The following NICN1 variants were observed in gnomAD, a reference collection of about 807,000 sequenced individuals.
The protein encoded by NICN1 is nicolin 1, tubulin polyglutamylase complex subunit.
A neutral mutation model predicts 26.3 loss-of-function variants in NICN1; 18 were observed. The ratio of observed to expected loss-of-function variants is 0.68; its 90% CI spans 0.47 to 1.01. NICN1 has a LOEUF of 1.01. NICN1 is among the 50% of genes least tolerant of loss of function. The pLI is 0.00. For missense variants in NICN1, 239 were observed against 278.3 expected (o/e 0.86, Z 1.00); for synonymous variants, 109 against 111.0 (o/e 0.98, Z 0.11).
chr3:49,424,157 G>C lies in NICN1; in HGVS notation c.*676C>G, dbSNP rs1477502397. 2 of 153,440 alleles carry C rather than the reference G, an allele frequency of 1.3e-5. No individual in the cohort carries two copies. Among genetic ancestry groups the C allele is most frequent in the African/African-American group, 4.8e-5 (2 of 41,438 alleles). 9.5% of individuals were successfully genotyped at this position (153,440 alleles called of 1,614,324 possible). Reference sequence around the variant, plus strand: ...TGAGCCACTGCACCCTGCCTAGAAGGGTCCCAGTTCTTATGCTCAGGCCCT... The same window carrying C: ...TGAGCCACTGCACCCTGCCTAGAAGCGTCCCAGTTCTTATGCTCAGGCCCT... On this transcript the variant is annotated 3_prime_UTR_variant, in exon 6 of 6. Coordinates refer to ENST00000273598, the MANE Select transcript of NICN1 (RefSeq NM_032316.3).
chr3:49,422,977 C>T lies in NICN1; in HGVS notation c.*1856G>A, dbSNP rs1251071559. The stretch of plus-strand genomic sequence containing the variant: ...CCACAAGTATTTATTGATCTTACTG[C>T]ATACCAGGCCCTCAGATGGGGACAC... On this transcript the variant is annotated 3_prime_UTR_variant, in exon 6 of 6. Transcript: ENST00000273598. 2 of 244,960 alleles carry T rather than the reference C, an allele frequency of 8.2e-6. No homozygotes were observed. The highest frequency in any genetic ancestry group is 4.5e-5 in the African/African-American group (2 of 44,502). The allele number at this position is 244,960 out of a possible 1,614,324, so 15.2% of individuals were successfully genotyped here. A position where few individuals can be genotyped will look rare whatever the true frequency, so the allele number is the denominator to read the frequency against.
chr3:49,422,790 T>G lies in NICN1; in HGVS notation c.*2043A>C, dbSNP rs1326124720. On this transcript the variant is annotated 3_prime_UTR_variant, in exon 6 of 6. Coordinates refer to ENST00000273598, the MANE Select transcript of NICN1 (RefSeq NM_032316.3). ...AAGTTCTGGAAAGGGCTGAAAGGTC[T>G]GAATCATACCTTTAGGACCTCAAGA... The G allele has an allele frequency of 2.3e-6, 1 of 432,170 alleles. No homozygotes were observed. The highest frequency in any genetic ancestry group is 3.5e-5 in the Admixed American group (1 of 28,828). The allele number at this position is 432,170 out of a possible 1,614,324, so 26.8% of individuals were successfully genotyped here.
intron 1 of NICN1, among the ~76,000 whole-genome samples, chr3:49,426,907 G>A (rs546487412): frequency 6.6e-6 from 1 of 152,240 alleles, no homozygotes; most frequent in Admixed American, 6.5e-5. Flanking sequence ...AACAAACCAC[G>A]ACTGCAGATC....
intron 3 of NICN1, 62 bp from the exon 4 acceptor site, chr3:49,425,500 C>T (rs756241465): frequency 1.4e-6 from 2 of 1,409,826 alleles, no homozygotes; most frequent in Non-Finnish European, 1.9e-6. Context: ...GACCAGATTC[C>T]AAGGTCCTAG....
In NICN1 at chr3:49,425,360, G is replaced by A; in HGVS notation, c.495+7C>T. 6.2e-7 allele frequency: 1 copy of A among 1,610,592 alleles called. No homozygotes were observed. Among genetic ancestry groups the A allele is most frequent in the Non-Finnish European group, 8.5e-7 (1 of 1,178,444 alleles). On this transcript the variant is annotated splice_region_variant and intron_variant, in intron 4 of 5. Transcript: ENST00000273598. ...ACACATGGTTCTTACCTAGGGTGAG[G>A]GCTTACCTCACGGAGGAGTGCAGGT...
chr3:49,426,784 C>A (rs1426663469), intron 1 of NICN1, among the ~76,000 whole-genome samples: 2 of 152,144 alleles, frequency 1.3e-5, no homozygotes, highest in Admixed American at 1.3e-4. Flanking sequence ...CCTGCCTCTT[C>A]CCCTTTCAAT....
chr3:49,427,305 AGAGC>A (rs2049181282), intron 1 of NICN1, among the ~76,000 whole-genome samples: 2 of 150,514 alleles, frequency 1.3e-5, no homozygotes, highest in African/African-American at 4.9e-5. Flanking sequence ...TGGGCGCGAC[AGAGC>A]AAGACACGGT....
intron 3 of NICN1, 50 bp from the exon 4 acceptor site, chr3:49,425,488 G>A (rs762388748): frequency 1.3e-5 from 20 of 1,482,102 alleles, no homozygotes; most frequent in Non-Finnish European, 1.7e-5. Flanking sequence ...GGACAGCTCT[G>A]GGACCAGATT....
rs2049139873 is a variant in NICN1, at chr3:49,423,216, C to G, written c.*1617G>C. 6.5e-6 allele frequency: 1 copy of G among 153,958 alleles called. No homozygotes were observed. The allele number at this position is 153,958 out of a possible 1,614,324, so 9.5% of individuals were successfully genotyped here. On this transcript the variant is annotated 3_prime_UTR_variant, in exon 6 of 6. Coordinates refer to ENST00000273598, the MANE Select transcript of NICN1 (RefSeq NM_032316.3). The stretch of plus-strand genomic sequence containing the variant: ...CTCCCCCGAGAAAACTGTTGAGCCA[C>G]ACACATGTCCAACTTTCCAGGTCCA...
In NICN1 at chr3:49,425,060, CAGA is replaced by C; in HGVS notation, c.496-10_496-8del. 6.2e-7 allele frequency: 1 copy of C among 1,610,758 alleles called. No individual in the cohort carries two copies. The highest frequency in any genetic ancestry group is 8.5e-7 in the Non-Finnish European group (1 of 1,177,086). The stretch of plus-strand genomic sequence containing the variant: ...TGCTGGGGTCTGGGAGACCCTGCTC[CAGA>C]AGGAGGGGTCAGTGGCCATGGGTCT... On this transcript the variant is annotated splice_polypyrimidine_tract_variant and splice_region_variant and intron_variant, in intron 4 of 5. Coordinates refer to ENST00000273598, the MANE Select transcript of NICN1 (RefSeq NM_032316.3).
rs1490316514 is a variant in NICN1, at chr3:49,429,104, T to C, written c.132+4A>G. ...CCTCGGTCGCGCCCACCAGGCTTGC[T>C]CACCTCGAAGGGAGCGACGCTGGGG... On this transcript the variant is annotated splice_donor_region_variant and intron_variant, in intron 1 of 5. Coordinates refer to ENST00000273598, the MANE Select transcript of NICN1 (RefSeq NM_032316.3). 5 of 1,601,436 alleles carry C rather than the reference T, an allele frequency of 3.1e-6. No homozygotes were observed. Among genetic ancestry groups the C allele is most frequent in the Non-Finnish European group, 4.3e-6 (5 of 1,174,070 alleles).
chr3:49,427,079 T>A (rs2049176551), intron 1 of NICN1, among the ~76,000 whole-genome samples: 1 of 151,896 alleles, frequency 6.6e-6, no homozygotes, highest in Non-Finnish European at 1.5e-5. Flanking sequence ...CCCAGCACTT[T>A]CGGAGGCCGA....
At chr3:49,426,090 G>A in intron 2 of NICN1, 94 bp from the exon 3 acceptor site, 1 of 1,118,934 alleles carries the variant, frequency 8.9e-7, no homozygotes, top group Non-Finnish European at 1.3e-6. Context: ...CACCCCACAG[G>A]CCTTGGGAAG....
In NICN1 at chr3:49,425,951, G is replaced by C; in HGVS notation, c.355C>G (p.Arg119Gly). The change falls in exon 3 of 6, where the codon CGG (arginine) becomes GGG (glycine). Residue 119 changes from arginine to glycine, a missense_variant. By Grantham distance (125) the Arg-to-Gly change is moderately radical (BLOSUM62 -2). Coordinates refer to ENST00000273598, the MANE Select transcript of NICN1 (RefSeq NM_032316.3). ...ARISELRLIL[R>G]QPSPLWLSFT... is the part of the protein sequence containing the mutation. ...GACAGCCACAGTGGTGATGGCTGCCGCAGAATCAGGCGTAGCTCCGATATT... is the reference window on the plus strand; with the variant it reads ...GACAGCCACAGTGGTGATGGCTGCCCCAGAATCAGGCGTAGCTCCGATATT... 1 of 1,611,852 alleles carries C rather than the reference G, an allele frequency of 6.2e-7. No homozygotes were observed. The highest frequency in any genetic ancestry group is 8.5e-7 in the Non-Finnish European group (1 of 1,178,160).
Position 49,423,281 on chromosome 3 carries a change from C to CTATT in NICN1, c.*1551_*1552insAATA, listed in dbSNP as rs1294759468. The CTATT allele has an allele frequency of 6.6e-6, 1 of 152,344 alleles. No homozygotes were observed. Among genetic ancestry groups the CTATT allele is most frequent in the East Asian group, 1.9e-4 (1 of 5,200 alleles). 9.4% of individuals were successfully genotyped at this position (152,344 alleles called of 1,614,324 possible). On this transcript the variant is annotated 3_prime_UTR_variant, in exon 6 of 6. Transcript: ENST00000273598. ...ACTGCTTTGTAATAGCCACCAGGTG[C>CTATT]AAAGCCAGGAAGAACCAGAGGGAAA...
chr3:49,429,021 C>T (rs2049197267), intron 1 of NICN1, 87 bp downstream of exon 1: 2 of 1,297,124 alleles, frequency 1.5e-6, no homozygotes, highest in African/African-American at 3.0e-5. Context: ...GAGGCTTTCC[C>T]ATAAAAGATT....
intron 1 of NICN1, among the ~76,000 whole-genome samples, chr3:49,427,486 C>G (rs1460861893): frequency 2.7e-5 from 4 of 148,880 alleles, no homozygotes; most frequent in Non-Finnish European, 5.9e-5. Flanking sequence ...ACTAAAAATA[C>G]AAAAATATTA....
chr3:49,425,156 A>G lies in NICN1; in HGVS notation c.496-103T>C. The G allele has an allele frequency of 3.1e-6, 3 of 955,696 alleles. No individual in the cohort carries two copies. The South Asian group carries it at 4.1e-5, about 13-fold the overall frequency. The allele number at this position is 955,696 out of a possible 1,614,324, so 59.2% of individuals were successfully genotyped here. ...GCTAGGGGCCCTCCAGCTGAGACCA[A>G]CAACATTCTCAGATGGCTTATGAAA... is the stretch of plus-strand genomic sequence containing the variant. On this transcript the variant is annotated intron_variant, in intron 4 of 5. Coordinates refer to ENST00000273598, the MANE Select transcript of NICN1 (RefSeq NM_032316.3).
In NICN1 at chr3:49,424,732, G is replaced by C; in HGVS notation, c.*101C>G. 1 of 944,522 alleles carries C rather than the reference G, an allele frequency of 1.1e-6. No homozygotes were observed. Among genetic ancestry groups the C allele is most frequent in the South Asian group, 1.3e-5 (1 of 76,792 alleles). 58.5% of individuals were successfully genotyped at this position (944,522 alleles called of 1,614,324 possible). ...TGGCCCAGACAGAACAGGCATGCAG[G>C]CAACACTTGGAATGCACAGGAAATA... On this transcript the variant is annotated 3_prime_UTR_variant, in exon 6 of 6. Coordinates refer to ENST00000273598, the MANE Select transcript of NICN1 (RefSeq NM_032316.3).
Sources: allele counts gnomAD v4.1 joint callset (sites outside exome capture counted in the v4.1 genomes callset), GRCh38; gene constraint gnomAD v4.1.1; transcripts MANE v1.5; gene names NCBI Gene and HGNC (gene_info 2026-07-23, HGNC 2026-07-21).